The following ARK2N variants were observed in gnomAD, a reference collection of about 807,000 sequenced individuals.
The protein encoded by ARK2N is protein ARK2N.
the ARK2N span, among the ~76,000 whole-genome samples, chr18:46,181,297 C>G: frequency 1.3e-5 from 2 of 152,042 alleles, no homozygotes; most frequent in African/African-American, 4.8e-5. Context: ...TTTTGTAATG[C>G]CAGTTCATTT....
At chr18:46,185,634 A>T in the ARK2N span, among the ~76,000 whole-genome samples, 2 of 152,176 alleles carry the variant, frequency 1.3e-5, no homozygotes, top group Non-Finnish European at 2.9e-5. Flanking sequence ...ATCTTCATGC[A>T]TTGCAATTTG....
the ARK2N span, among the ~76,000 whole-genome samples, chr18:46,249,290 C>T: frequency 4.0e-5 from 6 of 151,862 alleles, no homozygotes; most frequent in African/African-American, 9.7e-5. Context: ...AGTGCAGCGG[C>T]GCCATCTCAG....
At chr18:46,205,661 TATACCAATGATGTCAAA>T in the ARK2N span, among the ~76,000 whole-genome samples, 1 of 152,228 alleles carries the variant, frequency 6.6e-6, no homozygotes, top group South Asian at 2.1e-4. Context: ...CATCTGTCCT[TATACCAATGATGTCAAA>T]ATCTGTATTT....
At chr18:46,228,830 C>T in the ARK2N span, 2 of 398,472 alleles carry the variant, frequency 5.0e-6, no homozygotes, top group Non-Finnish European at 4.4e-6. Flanking sequence ...CTTGGCCTCT[C>T]AAAGTGCTGA....
chr18:46,183,635 A>G, the ARK2N span, among the ~76,000 whole-genome samples: 1 of 152,102 alleles, frequency 6.6e-6, no homozygotes, highest in African/African-American at 2.4e-5. Context: ...TTGAGGATTA[A>G]GGGAAGGGAT....
chr18:46,264,953 A>G, the ARK2N span: 2 of 152,222 alleles, frequency 1.3e-5, no homozygotes, highest in African/African-American at 4.8e-5. Flanking sequence ...AAGATCATGA[A>G]CCTCCAGCTT....
chr18:46,196,675 C>T, the ARK2N span, among the ~76,000 whole-genome samples: 1 of 152,160 alleles, frequency 6.6e-6, no homozygotes, highest in Admixed American at 6.6e-5. Context: ...TAGCAATAAA[C>T]GTTATCATTT....
At chr18:46,196,625 T>C in the ARK2N span, among the ~76,000 whole-genome samples, 1 of 152,182 alleles carries the variant, frequency 6.6e-6, no homozygotes, top group Admixed American at 6.5e-5. Flanking sequence ...TTGTACCTAT[T>C]GTTGCATAAA....
At chr18:46,212,800 A>G in the ARK2N span, among the ~76,000 whole-genome samples, 1 of 152,044 alleles carries the variant, frequency 6.6e-6, no homozygotes, top group African/African-American at 2.4e-5. Context: ...CACACAACTT[A>G]TTTCTTGAAG....
At chr18:46,260,328 TACA>T in the ARK2N span, among the ~76,000 whole-genome samples, 2 of 152,232 alleles carry the variant, frequency 1.3e-5, no homozygotes, top group East Asian at 3.8e-4. Context: ...GAATTCCATG[TACA>T]ACTATTAATA....
chr18:46,192,577 A>ATT, the ARK2N span, among the ~76,000 whole-genome samples: 25 of 142,664 alleles, frequency 1.8e-4, no homozygotes, highest in African/African-American at 6.4e-4. Context: ...CTCCATCTCA[A>ATT]TTTTTTTTTT....
At chr18:46,177,702 C>T in the ARK2N span, among the ~76,000 whole-genome samples, 1 of 151,934 alleles carries the variant, frequency 6.6e-6, no homozygotes, top group African/African-American at 2.4e-5. Flanking sequence ...GCTGGGATTA[C>T]AGGTGTGAGC....
At chr18:46,240,241 G>A in the ARK2N span, 1 of 1,583,660 alleles carries the variant, frequency 6.3e-7, no homozygotes, top group South Asian at 1.1e-5. Flanking sequence ...GTGTCCTGGA[G>A]CTGTTTTCCT....
the ARK2N span, chr18:46,229,000 A>C: frequency 2.6e-6 from 1 of 386,646 alleles, no homozygotes; most frequent in Non-Finnish European, 4.6e-6. Context: ...AAGTTTTGGC[A>C]GAAAGATAAG....
the ARK2N span, among the ~76,000 whole-genome samples, chr18:46,245,692 A>G: frequency 6.6e-6 from 1 of 152,036 alleles, no homozygotes; most frequent in South Asian, 2.1e-4. Context: ...ACTGTCATAC[A>G]GTATGTAGTA....
chr18:46,216,587 A>C, the ARK2N span: 4 of 1,610,638 alleles, frequency 2.5e-6, no homozygotes, highest in African/African-American at 5.3e-5. The surrounding 1 kb of genome is among the most constrained non-coding windows in gnomAD (Gnocchi z 4.3). Flanking sequence ...ATCACTGCAG[A>C]GATACCAGGT....
the ARK2N span, among the ~76,000 whole-genome samples, chr18:46,259,353 C>T: frequency 6.6e-6 from 1 of 151,128 alleles, no homozygotes; most frequent in African/African-American, 2.4e-5. Context: ...AAGCGATTCT[C>T]CTGCCTTAGC....
chr18:46,253,812 G>C, the ARK2N span: 8 of 1,610,166 alleles, frequency 5.0e-6, no homozygotes, highest in Admixed American at 6.7e-5. Flanking sequence ...TGGGAGTTCA[G>C]GAACATGCAA....
At chr18:46,221,471 A>G in the ARK2N span, among the ~76,000 whole-genome samples, 24 of 149,776 alleles carry the variant, frequency 1.6e-4, no homozygotes, top group African/African-American at 5.9e-4. Context: ...GAGGCAGGAG[A>G]ATCACTTGAA....
Sources: gnomAD v4.1 joint callset for allele counts (sites outside exome capture counted in the v4.1 genomes callset) on GRCh38, gnomAD v4.1.1 for gene constraint, Gnocchi (gnomAD v3.1) non-coding constraint, MANE v1.5 for transcripts, NCBI Gene and HGNC (gene_info 2026-07-23, HGNC 2026-07-21) for gene names.